SNTG1: variants seen among roughly 807,000 people sequenced by gnomAD.
The protein encoded by SNTG1 is syntrophin gamma 1, also known as gamma-1-syntrophin.
In SNTG1, 39 loss-of-function variants were observed where a neutral mutation model predicts 74.7. That is an observed-to-expected ratio of 0.52 (90% CI 0.40 to 0.68). The LOEUF is 0.68. SNTG1 is among the 30% of genes least tolerant of loss of function. SNTG1 has a pLI of 0.00. For missense variants in SNTG1, 685 were observed against 609.5 expected (o/e 1.12, Z -1.30); for synonymous variants, 254 against 217.1 (o/e 1.17, Z -1.49).
At chr8:50,108,369 T>A (rs1376550974) in intron 1 of SNTG1, among the ~76,000 whole-genome samples, 1 of 152,134 alleles carries the variant, frequency 6.6e-6, no homozygotes, top group Non-Finnish European at 1.5e-5. Context: ...AGAAGGCAGG[T>A]CAAAGGTTGA....
intron 18 of SNTG1, among the ~76,000 whole-genome samples, chr8:50,763,700 G>A (rs2131748672): frequency 7.1e-6 from 1 of 141,396 alleles, no homozygotes; most frequent in Middle Eastern, 3.8e-3. Context: ...GTGGTTTTAA[G>A]AGAAAAGCAT....
intron 1 of SNTG1, among the ~76,000 whole-genome samples, chr8:50,080,750 A>T (rs550091769): frequency 6.6e-6 from 1 of 152,308 alleles, no homozygotes; most frequent in African/African-American, 2.4e-5. Context: ...AAGCTGACAC[A>T]GCCAATATGC....
chr8:50,739,517 G>T (rs2095537664), intron 17 of SNTG1, among the ~76,000 whole-genome samples: 1 of 152,020 alleles, frequency 6.6e-6, no homozygotes, highest in African/African-American at 2.4e-5. Context: ...ATTCCTCAAA[G>T]ATCTAGAACC....
intron 2 of SNTG1, among the ~76,000 whole-genome samples, chr8:50,321,900 T>C (rs528062058): frequency 8.7e-4 from 133 of 152,272 alleles, no homozygotes; most frequent in African/African-American, 2.8e-3. Context: ...GTCTATGTCT[T>C]AAAAATGTGT....
intron 9 of SNTG1, among the ~76,000 whole-genome samples, chr8:50,507,271 G>A (rs2094015048): frequency 6.6e-6 from 1 of 151,932 alleles, no homozygotes; most frequent in Non-Finnish European, 1.5e-5. Flanking sequence ...TATTCATCAG[G>A]AATATTGGTT....
intron 1 of SNTG1, among the ~76,000 whole-genome samples, chr8:50,065,375 G>C (rs1241746736): frequency 2.6e-5 from 4 of 151,936 alleles, no homozygotes; most frequent in Non-Finnish European, 5.9e-5. Flanking sequence ...ATATCCTGAG[G>C]CAAGCAAATG....
intron 2 of SNTG1, among the ~76,000 whole-genome samples, chr8:50,381,668 TTA>T: frequency 9.8e-6 from 1 of 101,836 alleles, no homozygotes; most frequent in South Asian, 3.5e-4. Flanking sequence ...ATCCTATTAG[TTA>T]TATATATATA....
chr8:50,727,979 A>G (rs2095504195), intron 17 of SNTG1, among the ~76,000 whole-genome samples: 1 of 152,158 alleles, frequency 6.6e-6, no homozygotes, highest in South Asian at 2.1e-4. Flanking sequence ...GTTTAGAAGC[A>G]CCAGAAAGCA....
intron 12 of SNTG1, among the ~76,000 whole-genome samples, chr8:50,586,762 C>T (rs1216634641): frequency 6.6e-6 from 1 of 151,170 alleles, no homozygotes; most frequent in Non-Finnish European, 1.5e-5. Flanking sequence ...AAAAATAAAA[C>T]AGGTGTTTTT....
chr8:50,158,253 T>C (rs1563674165), intron 1 of SNTG1, among the ~76,000 whole-genome samples: 1 of 152,178 alleles, frequency 6.6e-6, no homozygotes, highest in Non-Finnish European at 1.5e-5. Flanking sequence ...TTTTAGAAAA[T>C]TCTTGAATTT....
At chr8:50,051,800 G>GTTCACA (rs1446523196) in intron 1 of SNTG1, among the ~76,000 whole-genome samples, 1 of 152,040 alleles carries the variant, frequency 6.6e-6, no homozygotes, top group Non-Finnish European at 1.5e-5. Context: ...CTTTAAATAT[G>GTTCACA]TTCACATTCA....
intron 11 of SNTG1, among the ~76,000 whole-genome samples, chr8:50,549,600 C>G (rs2094411662): frequency 6.6e-6 from 1 of 152,044 alleles, no homozygotes; most frequent in Admixed American, 6.6e-5. Flanking sequence ...CTCTCAGGAT[C>G]AGAGAGAAAA....
chr8:50,526,626 C>T (rs1404547532), intron 9 of SNTG1, among the ~76,000 whole-genome samples: 1 of 137,232 alleles, frequency 7.3e-6, no homozygotes, highest in African/African-American at 2.8e-5. Flanking sequence ...TGTGTGTATA[C>T]ACAAACACAT....
intron 1 of SNTG1, among the ~76,000 whole-genome samples, chr8:49,953,834 C>G (rs1809934788): frequency 6.6e-6 from 1 of 152,108 alleles, no homozygotes; most frequent in African/African-American, 2.4e-5. Context: ...ATTGGAAAAT[C>G]CTGTCTGTGA....
intron 2 of SNTG1, among the ~76,000 whole-genome samples, chr8:50,199,548 C>T (rs945595503): frequency 6.6e-6 from 1 of 152,128 alleles, no homozygotes; most frequent in African/African-American, 2.4e-5. Flanking sequence ...CATAGTAAAG[C>T]AAATCAACCA....
intron 1 of SNTG1, among the ~76,000 whole-genome samples, chr8:49,932,817 C>T (rs2628417): frequency 0.87 from 132,105 of 152,164 alleles, 57,527 homozygotes; most frequent in East Asian, 1. Context: ...ATATATTTTC[C>T]ATCCCTATGG....
intron 2 of SNTG1, among the ~76,000 whole-genome samples, chr8:50,177,334 TG>T (rs1184514449): frequency 1.3e-5 from 2 of 152,144 alleles, no homozygotes; most frequent in Non-Finnish European, 2.9e-5. Context: ...GTGTCTTCCT[TG>T]CCTTCAGGCT....
chr8:50,725,877 C>T (rs1201213632), intron 17 of SNTG1, among the ~76,000 whole-genome samples: 1 of 152,208 alleles, frequency 6.6e-6, no homozygotes, highest in African/African-American at 2.4e-5. Flanking sequence ...TGTGCCGATG[C>T]TGCTGAATTA....
intron 2 of SNTG1, among the ~76,000 whole-genome samples, chr8:50,298,013 T>C (rs1264474429): frequency 8.0e-6 from 1 of 124,832 alleles, no homozygotes; most frequent in East Asian, 2.4e-4. Flanking sequence ...ACACATTATG[T>C]CACAATCCTG....
Sources: allele counts gnomAD v4.1 joint callset (sites outside exome capture counted in the v4.1 genomes callset), GRCh38; gene constraint gnomAD v4.1.1; transcripts MANE v1.5; gene names NCBI Gene and HGNC (gene_info 2026-07-23, HGNC 2026-07-21).